GSAP: variants seen among roughly 807,000 people sequenced by gnomAD.
GSAP encodes the protein gamma-secretase activating protein, also known as gamma-secretase-activating protein.
GSAP carries 118 observed loss-of-function variants against 131.7 expected under a neutral mutation model. The ratio of observed to expected loss-of-function variants is 0.90; its 90% confidence interval spans 0.77 to 1.04. GSAP has a LOEUF of 1.04. Among genes scored for constraint, GSAP ranks in the 50% least tolerant of loss-of-function variants. The probability of loss-of-function intolerance (pLI) is 0.00; values close to 1 mark genes in which losing one functional copy is unlikely to be tolerated. For missense variants in GSAP, 1,019 were observed against 1,013.2 expected, an observed-to-expected ratio of 1.01 and a Z score of -0.08; for synonymous variants, 381 against 363.4, an observed-to-expected ratio of 1.05 and a Z score of -0.55.
chr7:77,409,791 T>C (rs764627239), intron 1 of GSAP, among the ~76,000 whole-genome samples: 1 of 152,250 alleles, frequency 6.6e-6, no homozygotes, highest in Non-Finnish European at 1.5e-5. Flanking sequence ...CCAATTTACT[T>C]GCAAAAGCGT....
At position 77,377,319 on chromosome 7, in the gene GSAP, C is replaced by T. The variant is rs1318742606; in HGVS notation, c.648G>A (p.Met216Ile). The change falls in exon 9 of 31, where the codon ATG (methionine) becomes ATA (isoleucine). Residue 216 changes from methionine to isoleucine, a missense_variant. Met to Ile is a conservative substitution (Grantham distance 10). Coordinates refer to ENST00000257626, the MANE Select transcript of GSAP (RefSeq NM_017439.4). ...AEDFVWAQWD[M>I]SEQRLYYIDL... Reference sequence around the variant, plus strand: ...CAATGTAATATAATCTCTGTTCTGACATATCCCACTGAGCCCAAACGAAAT... The same window carrying T: ...CAATGTAATATAATCTCTGTTCTGATATATCCCACTGAGCCCAAACGAAAT... 6 of 1,493,966 alleles carry T rather than the reference C, an allele frequency of 4.0e-6. No individual in the cohort carries two copies. The highest frequency in any genetic ancestry group is 5.4e-6 in the Non-Finnish European group (6 of 1,115,858). The allele number at this position is 1,493,966 out of a possible 1,614,324, so 92.5% of individuals were successfully genotyped here. A position where few individuals can be genotyped will look rare whatever the true frequency, so the allele number is the denominator to read the frequency against.
chr7:77,409,239 T>C (rs1271256419), intron 1 of GSAP, among the ~76,000 whole-genome samples: 1 of 152,132 alleles, frequency 6.6e-6, no homozygotes, highest in Non-Finnish European at 1.5e-5. Flanking sequence ...CTCAGCACTC[T>C]GGGAGGCCAA....
At chr7:77,345,880 A>G (rs1791729286) in intron 19 of GSAP, among the ~76,000 whole-genome samples, 1 of 152,222 alleles carries the variant, frequency 6.6e-6, no homozygotes, top group Non-Finnish European at 1.5e-5. Flanking sequence ...CGCACGTGAC[A>G]TCCCTTTCAT....
intron 18 of GSAP, chr7:77,351,381 T>A (rs1028271197): frequency 2.1e-6 from 2 of 970,356 alleles, no homozygotes; most frequent in Non-Finnish European, 2.4e-6. Context: ...CCTACAAAAA[T>A]GTGAAATCCA....
chr7:77,340,671 TA>T (rs1461726400), intron 19 of GSAP, among the ~76,000 whole-genome samples: 11 of 152,230 alleles, frequency 7.2e-5, no homozygotes, highest in African/African-American at 2.4e-4. Context: ...CTCGGGAAGA[TA>T]GTCTTCCCTT....
At chr7:77,330,426 C>T in intron 19 of GSAP, 59 bp from the exon 20 acceptor site, 1 of 1,589,146 alleles carries the variant, frequency 6.3e-7, no homozygotes, top group Non-Finnish European at 8.6e-7. Context: ...CCAAACCACC[C>T]AGTGAGTATT....
At position 77,335,809 on chromosome 7, in the gene GSAP, G is replaced by A. The variant is rs568856141; in HGVS notation, c.1546-5442C>T. ...AGAGAACCCTTTCCTCTGTGTGCCA[G>A]GACTCAACTAGCACAGCTAAAGCAT... On this transcript the variant is annotated intron_variant, in intron 19 of 30. Coordinates refer to ENST00000257626, the MANE Select transcript of GSAP (RefSeq NM_017439.4). 5.9e-5 allele frequency among the ~76,000 whole-genome samples: 9 copies of A among 152,292 alleles called. No individual in the cohort carries two copies. The South Asian group carries it at 1.9e-3, about 32-fold the overall frequency.
intron 5 of GSAP, among the ~76,000 whole-genome samples, chr7:77,389,830 CT>C (rs1466136366): frequency 6.6e-6 from 1 of 152,194 alleles, no homozygotes; most frequent in African/African-American, 2.4e-5. Context: ...AATGGTATTT[CT>C]AGTTCTAGAT....
chr7:77,410,725 A>G (rs1384068150), intron 1 of GSAP, among the ~76,000 whole-genome samples: 4 of 152,220 alleles, frequency 2.6e-5, no homozygotes, highest in Non-Finnish European at 4.4e-5. Context: ...GGGGTTCTCA[A>G]ATGTGTACAT....
chr7:77,380,573 C>T (rs915614873), intron 8 of GSAP, among the ~76,000 whole-genome samples: 4 of 152,064 alleles, frequency 2.6e-5, no homozygotes, highest in African/African-American at 9.7e-5. Flanking sequence ...TTCTAGTTTA[C>T]TTGTAGGTAA....
At chr7:77,404,416 C>A in intron 3 of GSAP, 143 bp downstream of exon 3, 1 of 658,902 alleles carries the variant, frequency 1.5e-6, no homozygotes, top group South Asian at 1.7e-5. Flanking sequence ...TGTGTGTATG[C>A]CTCAAATTGC....
At chr7:77,362,193 A>G (rs1211055562) in intron 13 of GSAP, among the ~76,000 whole-genome samples, 2 of 152,216 alleles carry the variant, frequency 1.3e-5, no homozygotes, top group East Asian at 3.8e-4. Flanking sequence ...ATTCCATGGT[A>G]ATAATACTCT....
At chr7:77,411,443 C>T (rs1803265356) in intron 1 of GSAP, among the ~76,000 whole-genome samples, 1 of 152,202 alleles carries the variant, frequency 6.6e-6, no homozygotes, top group Non-Finnish European at 1.5e-5. Flanking sequence ...CAAAAGTCAA[C>T]ATATAAGATC....
At chr7:77,384,416 A>G (rs1458283316) in intron 6 of GSAP, among the ~76,000 whole-genome samples, 1 of 152,216 alleles carries the variant, frequency 6.6e-6, no homozygotes, top group Non-Finnish European at 1.5e-5. Context: ...GGAAGCCAAA[A>G]GTAGACAGGA....
At chr7:77,409,802 A>G (rs1451023877) in intron 1 of GSAP, among the ~76,000 whole-genome samples, 3 of 152,234 alleles carry the variant, frequency 2.0e-5, no homozygotes, top group Admixed American at 1.3e-4. Context: ...GCAAAAGCGT[A>G]TCTATTTTCA....
intron 17 of GSAP, among the ~76,000 whole-genome samples, 194 bp downstream of exon 17, chr7:77,353,378 G>A (rs575638262): frequency 6.6e-6 from 1 of 150,992 alleles, no homozygotes; most frequent in African/African-American, 2.4e-5. Context: ...TCTCTGTACA[G>A]CCATAGTTTC....
In GSAP at chr7:77,310,823, A is replaced by G; in HGVS notation, c.*535T>C. 6.6e-6 allele frequency: 1 copy of G among 151,626 alleles called. No individual in the cohort carries two copies. The highest frequency in any genetic ancestry group is 1.9e-4 in the East Asian group (1 of 5,174). The allele number at this position is 151,626 out of a possible 1,614,324, so 9.4% of individuals were successfully genotyped here. A position where few individuals can be genotyped will look rare whatever the true frequency, so the allele number is the denominator to read the frequency against. Reference sequence around the variant, plus strand: ...CTTTTATAAATAAAAAAAAATAAATATGTTTCATCTGAATTCACAAAGACA... The same window carrying G: ...CTTTTATAAATAAAAAAAAATAAATGTGTTTCATCTGAATTCACAAAGACA... On this transcript the variant is annotated 3_prime_UTR_variant, in exon 31 of 31. Transcript: ENST00000257626.
intron 12 of GSAP, among the ~76,000 whole-genome samples, chr7:77,363,848 T>C (rs1022608721): frequency 6.6e-6 from 1 of 152,158 alleles, no homozygotes; most frequent in Non-Finnish European, 1.5e-5. Flanking sequence ...AACTTTTCTT[T>C]ACAATTACAG....
chr7:77,364,622 T>A (rs1043449689), intron 12 of GSAP, among the ~76,000 whole-genome samples: 1 of 151,888 alleles, frequency 6.6e-6, no homozygotes, highest in Non-Finnish European at 1.5e-5. Context: ...TTTATACACA[T>A]GTAACTAACC....
Sources: gnomAD v4.1 joint callset for allele counts (sites outside exome capture counted in the v4.1 genomes callset) on GRCh38, gnomAD v4.1.1 for gene constraint, MANE v1.5 for transcripts, NCBI Gene and HGNC (gene_info 2026-07-23, HGNC 2026-07-21) for gene names.